NUP153: variants seen among roughly 807,000 people sequenced by gnomAD.
NUP153 encodes the protein nucleoporin 153.
Under a neutral mutation model 134.6 loss-of-function variants are expected in NUP153, and 27 were observed. The observed-to-expected ratio is 0.20, with a 90% CI of 0.15 to 0.28. The LOEUF (loss-of-function observed/expected upper bound fraction) is 0.28. Ranked by LOEUF, NUP153 falls within the 10% of genes least tolerant of loss-of-function variation. NUP153 has a pLI of 1.00. For synonymous variants in NUP153, 640 were observed against 623.5 expected (o/e 1.03, Z -0.40); for missense variants, 1,821 against 1,731.3 (o/e 1.05, Z -0.92).
intron 19 of NUP153, 134 bp from the exon 20 acceptor site, chr6:17,624,967 A>G (rs1398160073): frequency 1.2e-6 from 1 of 802,896 alleles, no homozygotes; most frequent in Non-Finnish European, 1.9e-6. Flanking sequence ...TTCCATCAAG[A>G]CAAGTTTTAA....
chr6:17,630,204 G>A (rs1765162702), intron 17 of NUP153, among the ~76,000 whole-genome samples: 1 of 152,168 alleles, frequency 6.6e-6, no homozygotes, highest in Admixed American at 6.5e-5. Context: ...TTTGGAAGTG[G>A]GAGGGAAGGT....
chr6:17,701,208 A>C (rs1770039224), intron 1 of NUP153, among the ~76,000 whole-genome samples: 1 of 147,242 alleles, frequency 6.8e-6, no homozygotes, highest in African/African-American at 2.5e-5. Flanking sequence ...CTGGGCAACA[A>C]GAGCGAAACT....
intron 11 of NUP153, among the ~76,000 whole-genome samples, chr6:17,655,748 AC>A (rs1275799307): frequency 6.6e-6 from 1 of 152,074 alleles, no homozygotes; most frequent in African/African-American, 2.4e-5. Flanking sequence ...AGCCACCGTG[AC>A]CAGCCAATCT....
At chr6:17,623,277 T>G (rs1764742567) in intron 20 of NUP153, among the ~76,000 whole-genome samples, 1 of 149,814 alleles carries the variant, frequency 6.7e-6, no homozygotes, top group Admixed American at 6.7e-5. Flanking sequence ...GGTATGTACA[T>G]TAGCTGACAA....
chr6:17,688,598 T>C lies in NUP153; in HGVS notation c.132A>G (p.Thr44=). The C allele has an allele frequency of 6.2e-7, 1 of 1,613,004 alleles. No homozygotes were observed. Among genetic ancestry groups the C allele is most frequent in the East Asian group, 2.2e-5 (1 of 44,884 alleles). ...CTGGCACAATATTCTTAACAGATTC[T>C]GTAACCCTGCTAAGAATGCCCTGTT... is the stretch of plus-strand genomic sequence containing the variant. ...QQHQGILSRV[T]ESVKNIVPGW... The change falls in exon 2 of 22, where the codon ACA becomes ACG. Residue 44 remains threonine, a synonymous_variant. Transcript: ENST00000262077.
chr6:17,629,137 C>T lies in NUP153; in HGVS notation c.3062G>A (p.Gly1021Asp). The change falls in exon 18 of 22, where the codon GGT becomes GAT. Residue 1021 changes from glycine (G) to aspartate (D), a missense_variant. Physicochemically the swap from Gly to Asp is moderately conservative, Grantham distance 94 (BLOSUM62 -1). Transcript: ENST00000262077. Reference protein sequence around the residue: ...KEELPKSSSAGFSFGTGVINS... With the variant: ...KEELPKSSSADFSFGTGVINS... ...AATAACACCTGTACCAAAGCTAAAACCTGCAGAGGAAGATTTGGGCAGTTC... is the reference window on the plus strand; with the variant it reads ...AATAACACCTGTACCAAAGCTAAAATCTGCAGAGGAAGATTTGGGCAGTTC... 6.2e-7 allele frequency: 1 copy of T among 1,613,548 alleles called. No homozygotes were observed. Among genetic ancestry groups the T allele is most frequent in the Non-Finnish European group, 8.5e-7 (1 of 1,179,884 alleles).
intron 11 of NUP153, among the ~76,000 whole-genome samples, chr6:17,654,706 A>G (rs901635533): frequency 4.6e-5 from 7 of 152,016 alleles, no homozygotes; most frequent in African/African-American, 1.2e-4. Flanking sequence ...ATCTAAGAGG[A>G]AAAAAAAGCC....
chr6:17,662,051 A>T lies in NUP153; in HGVS notation c.1235T>A (p.Met412Lys), dbSNP rs767573619. Reference protein sequence around the residue: ...NKCSTGYEKNMTPGQNREQRE... With the variant: ...NKCSTGYEKNKTPGQNREQRE... Reference sequence around the variant, plus strand: ...TTGTTCTCTATTTTGTCCGGGTGTCATATTTTTTTCATATCCAGTCTGCAG... The same window carrying T: ...TTGTTCTCTATTTTGTCCGGGTGTCTTATTTTTTTCATATCCAGTCTGCAG... Residue 412 changes from methionine to lysine, a missense_variant, in exon 10 of 22, where the codon ATG becomes AAG. By Grantham distance (95) the Met-to-Lys change is moderately conservative (BLOSUM62 -1). Transcript: ENST00000262077. 6.2e-7 allele frequency: 1 copy of T among 1,612,658 alleles called. No individual in the cohort carries two copies. The highest frequency in any genetic ancestry group is 1.7e-5 in the Admixed American group (1 of 59,912).
chr6:17,656,162 G>A (rs762804259), intron 11 of NUP153, among the ~76,000 whole-genome samples: 5 of 152,156 alleles, frequency 3.3e-5, no homozygotes, highest in Non-Finnish European at 5.9e-5. Flanking sequence ...CCAAGATTGC[G>A]CCACTGCACT....
chr6:17,619,959 G>T lies in NUP153; in HGVS notation c.4175-3264C>A, dbSNP rs189574202. On this transcript the variant is annotated intron_variant, in intron 20 of 21. Transcript: ENST00000262077. ...CTAAAAATACAAAAATTAGCCAAGT[G>T]TGGTGGCACGCGCCTGTAATCCCAG... 1.2e-3 allele frequency among the ~76,000 whole-genome samples: 181 copies of T among 152,110 alleles called. 1 individual carries two copies. The highest frequency in any genetic ancestry group is 8.3e-3 in the East Asian group (43 of 5,172).
chr6:17,697,044 C>A (rs895659437), intron 1 of NUP153, among the ~76,000 whole-genome samples: 1 of 151,574 alleles, frequency 6.6e-6, no homozygotes, highest in South Asian at 2.1e-4. Flanking sequence ...GCACTCCAGC[C>A]TGGGCTACAG....
At chr6:17,672,077 T>C (rs1477583203) in intron 5 of NUP153, among the ~76,000 whole-genome samples, 2 of 151,986 alleles carry the variant, frequency 1.3e-5, no homozygotes, top group Admixed American at 6.6e-5. Context: ...TAGATTTTTA[T>C]AGAAAAGCAA....
Position 17,615,735 on chromosome 6 carries a change from G to A in NUP153, c.*362C>T, listed in dbSNP as rs1180498929. On this transcript the variant is annotated 3_prime_UTR_variant, in exon 22 of 22. Transcript: ENST00000262077. The surrounding 1 kb of genome is among the most constrained non-coding windows in gnomAD (Gnocchi z 5.7). ...TCAGATATAATTACAATTTCAACGC[G>A]TTCCATGAACGCTTATCAGCGCACA... The A allele has an allele frequency of 1.7e-5, 3 of 172,904 alleles. No homozygotes were observed. Among genetic ancestry groups the A allele is most frequent in the African/African-American group, 4.8e-5 (2 of 42,018 alleles). The allele number at this position is 172,904 out of a possible 1,614,324, so 10.7% of individuals were successfully genotyped here. A position where few individuals can be genotyped will look rare whatever the true frequency, so the allele number is the denominator to read the frequency against.
rs931496130 is a variant in NUP153 at position 17,706,751 on chromosome 6, T to C, written c.-364A>G. 33 of 233,562 alleles carry C rather than the reference T, an allele frequency of 1.4e-4. No individual in the cohort carries two copies. The highest frequency in any genetic ancestry group is 2.7e-4 in the Non-Finnish European group (32 of 118,382). The allele number at this position is 233,562 out of a possible 1,614,324, so 14.5% of individuals were successfully genotyped here. ...CTCGACCGCCGACTGGTGGGAGTTC[T>C]TCCGTCGCCCTAGCCGTAGCTGCCG... On this transcript the variant is annotated 5_prime_UTR_variant, in exon 1 of 22. Transcript: ENST00000262077. The surrounding 1 kb of genome is among the most constrained non-coding windows in gnomAD (Gnocchi z 5.9).
chr6:17,640,939 A>G (rs1327907548), intron 14 of NUP153, among the ~76,000 whole-genome samples: 1 of 152,066 alleles, frequency 6.6e-6, no homozygotes, highest in African/African-American at 2.4e-5. Flanking sequence ...AATCATTCTT[A>G]AAAGTGTAGT....
chr6:17,653,903 A>T (rs1766653011), intron 11 of NUP153, among the ~76,000 whole-genome samples: 1 of 152,246 alleles, frequency 6.6e-6, no homozygotes, highest in African/African-American at 2.4e-5. Flanking sequence ...CTATGTTATA[A>T]AAAGAACAAC....
intron 1 of NUP153, among the ~76,000 whole-genome samples, chr6:17,704,445 G>A (rs150577758): frequency 6.6e-6 from 1 of 152,288 alleles, no homozygotes; most frequent in East Asian, 1.9e-4. Flanking sequence ...GGCATTCATA[G>A]GAGAAAAGAA....
At chr6:17,681,964 T>C (rs1391577444) in intron 2 of NUP153, among the ~76,000 whole-genome samples, 1 of 151,888 alleles carries the variant, frequency 6.6e-6, no homozygotes, top group East Asian at 1.9e-4. Context: ...CCCAGCACTT[T>C]TAGGAGGCTG....
chr6:17,632,263 C>T (rs1168272700), intron 17 of NUP153, among the ~76,000 whole-genome samples: 2 of 151,858 alleles, frequency 1.3e-5, no homozygotes, highest in African/African-American at 2.4e-5. Flanking sequence ...ATCGCGCCCC[C>T]GTACTCCAGC....
Sources: allele counts gnomAD v4.1 joint callset (sites outside exome capture counted in the v4.1 genomes callset), GRCh38; gene constraint gnomAD v4.1.1; non-coding constraint Gnocchi (gnomAD v3.1); transcripts MANE v1.5; gene names NCBI Gene and HGNC (gene_info 2026-07-23, HGNC 2026-07-21).